The following SERPINE2 variants were observed in gnomAD, a reference collection of about 807,000 sequenced individuals.
SERPINE2 encodes glia-derived nexin.
SERPINE2 carries 14 observed loss-of-function variants against 36.3 expected under a neutral mutation model. That is an observed-to-expected ratio of 0.39 (90% CI 0.25 to 0.60). The LOEUF is 0.60. Among genes scored for constraint, SERPINE2 ranks in the 20% least tolerant of loss-of-function variants. SERPINE2 has a pLI of 0.57. For missense variants in SERPINE2, 418 were observed against 499.6 expected (o/e 0.84, Z 1.56); for synonymous variants, 192 against 191.8 (o/e 1.00, Z -0.01).
chr2:223,998,987 C>T (rs1034048451), intron 2 of SERPINE2, among the ~76,000 whole-genome samples: 1 of 152,186 alleles, frequency 6.6e-6, no homozygotes, highest in Non-Finnish European at 1.5e-5. Context: ...GTTCTATAGC[C>T]AAGGGGGAAC....
At chr2:224,019,992 G>T (rs138546843) in intron 1 of SERPINE2, among the ~76,000 whole-genome samples, 364 of 152,266 alleles carry the variant, frequency 2.4e-3, no homozygotes, top group Non-Finnish European at 3.4e-3. Context: ...AGAGAGGAAG[G>T]ATCACCCCTG....
intron 4 of SERPINE2, among the ~76,000 whole-genome samples, chr2:223,988,617 A>C (rs1453165285): frequency 1.3e-5 from 2 of 152,214 alleles, no homozygotes; most frequent in Non-Finnish European, 2.9e-5. Flanking sequence ...TTCCAAAATA[A>C]AGTCTCAAAT....
chr2:224,025,825 T>C lies in SERPINE2; in HGVS notation c.-23+13274A>G, dbSNP rs115325404. Reference sequence around the variant, plus strand: ...AGAAAGTTGCCCTCAGAGGCAAAAATATATTGACGATCCACACAGCATATT... The same window carrying C: ...AGAAAGTTGCCCTCAGAGGCAAAAACATATTGACGATCCACACAGCATATT... On this transcript the variant is annotated intron_variant, in intron 1 of 8. Transcript: ENST00000409304. 3.5e-3 allele frequency among the ~76,000 whole-genome samples: 535 copies of C among 150,848 alleles called. 4 individuals are homozygous for C. The highest frequency in any genetic ancestry group is 0.012 in the African/African-American group (511 of 41,012).
intron 1 of SERPINE2, among the ~76,000 whole-genome samples, chr2:224,002,665 T>TG (rs2106166204): frequency 6.7e-6 from 1 of 149,506 alleles, no homozygotes; most frequent in African/African-American, 2.5e-5. Context: ...GCAATTTTTT[T>TG]TTTTTTTTTT....
intron 3 of SERPINE2, among the ~76,000 whole-genome samples, chr2:223,997,186 C>A (rs11884535): frequency 2.0e-5 from 3 of 152,032 alleles, no homozygotes; most frequent in Non-Finnish European, 4.4e-5. Context: ...TGGACCTCCA[C>A]GTTACAAATT....
intron 1 of SERPINE2, among the ~76,000 whole-genome samples, chr2:224,026,987 C>G (rs760592932): frequency 1.3e-5 from 2 of 152,114 alleles, no homozygotes; most frequent in Non-Finnish European, 2.9e-5. Context: ...TACAAAGTTT[C>G]GGGCAAAAAG....
Position 223,992,014 on chromosome 2 carries a change from G to T in SERPINE2, c.488-14C>A. 3 of 1,612,442 alleles carry T rather than the reference G, an allele frequency of 1.9e-6. No homozygotes were observed. Among genetic ancestry groups the T allele is most frequent in the Non-Finnish European group, 2.5e-6 (3 of 1,179,124 alleles). ...TGTCAATCATATCTGTGAAGCCAAA[G>T]AACAAACAAGGGAAAAATAACCTCA... On this transcript the variant is annotated splice_polypyrimidine_tract_variant and intron_variant, in intron 3 of 8. Coordinates refer to ENST00000409304, the MANE Select transcript of SERPINE2 (RefSeq NM_001136528.2).
At chr2:223,980,263 G>A (rs1232188911) in intron 7 of SERPINE2, 48 bp downstream of exon 7, 1 of 1,456,020 alleles carries the variant, frequency 6.9e-7, no homozygotes, top group Non-Finnish European at 9.7e-7. Context: ...ACAGGAATGT[G>A]TTTGCTCCCC....
chr2:223,992,693 G>T (rs1431453622), intron 3 of SERPINE2, among the ~76,000 whole-genome samples: 2 of 152,170 alleles, frequency 1.3e-5, no homozygotes, highest in Non-Finnish European at 2.9e-5. Flanking sequence ...CCACCATAAA[G>T]AAATGAGAAA....
intron 4 of SERPINE2, among the ~76,000 whole-genome samples, chr2:223,987,298 T>C (rs1204901027): frequency 2.0e-5 from 3 of 152,100 alleles, no homozygotes; most frequent in Non-Finnish European, 2.9e-5. Flanking sequence ...CAATGTGAGG[T>C]CCCTGCTCAC....
At chr2:224,023,882 C>A (rs149632542) in intron 1 of SERPINE2, among the ~76,000 whole-genome samples, 1 of 152,236 alleles carries the variant, frequency 6.6e-6, no homozygotes, top group African/African-American at 2.4e-5. Context: ...GCCTCTCTAC[C>A]CAGGCCTGTT....
chr2:223,975,511 T>G lies in SERPINE2; in HGVS notation c.*356A>C, dbSNP rs1340490182. The G allele has an allele frequency of 5.2e-6, 1 of 190,602 alleles. No individual in the cohort carries two copies. Among genetic ancestry groups the G allele is most frequent in the Non-Finnish European group, 1.1e-5 (1 of 94,240 alleles). The allele number at this position is 190,602 out of a possible 1,614,324, so 11.8% of individuals were successfully genotyped here. ...TTTTTTCTGTCACACTGATTAAATTTCTTCTGAAAAGCCGCACATATAGAC... is the reference window on the plus strand; with the variant it reads ...TTTTTTCTGTCACACTGATTAAATTGCTTCTGAAAAGCCGCACATATAGAC... On this transcript the variant is annotated 3_prime_UTR_variant, in exon 9 of 9. Coordinates refer to ENST00000409304, the MANE Select transcript of SERPINE2 (RefSeq NM_001136528.2).
intron 1 of SERPINE2, among the ~76,000 whole-genome samples, chr2:224,003,777 C>G (rs1198198028): frequency 6.6e-6 from 1 of 152,210 alleles, no homozygotes; most frequent in East Asian, 1.9e-4. Flanking sequence ...CCAAGAGGCC[C>G]AAGCTCCTGC....
chr2:224,036,907 G>C (rs1019759431), intron 1 of SERPINE2, among the ~76,000 whole-genome samples: 1 of 152,152 alleles, frequency 6.6e-6, no homozygotes, highest in Non-Finnish European at 1.5e-5. Flanking sequence ...CAAGGAGAGA[G>C]AGGCACTGGG....
intron 3 of SERPINE2, among the ~76,000 whole-genome samples, chr2:223,995,968 T>C (rs1690873089): frequency 6.6e-6 from 1 of 152,238 alleles, no homozygotes; most frequent in South Asian, 2.1e-4. Context: ...TGGCACTGTC[T>C]CAAATTTTTA....
At chr2:224,001,439 G>T in intron 2 of SERPINE2, 1 of 543,928 alleles carries the variant, frequency 1.8e-6, no homozygotes, top group Non-Finnish European at 3.2e-6. Flanking sequence ...TACAAAAAAG[G>T]GACCAGAGTC....
intron 4 of SERPINE2, among the ~76,000 whole-genome samples, chr2:223,989,190 A>G (rs1480274697): frequency 1.3e-5 from 2 of 152,206 alleles, no homozygotes; most frequent in African/African-American, 4.8e-5. Flanking sequence ...CCCTTGAAGT[A>G]CTTCTACTTT....
intron 4 of SERPINE2, among the ~76,000 whole-genome samples, chr2:223,986,373 C>T (rs1690430618): frequency 1.3e-5 from 2 of 152,152 alleles, no homozygotes; most frequent in Admixed American, 1.3e-4. Context: ...GTTGAACTCT[C>T]ACCCAAGCCT....
chr2:224,013,291 A>T (rs1366741609), intron 1 of SERPINE2, among the ~76,000 whole-genome samples: 1 of 152,160 alleles, frequency 6.6e-6, no homozygotes. Flanking sequence ...AGCCTAGAAA[A>T]GGCATCTCTG....
Sources: gnomAD v4.1 joint callset for allele counts (sites outside exome capture counted in the v4.1 genomes callset) on GRCh38, gnomAD v4.1.1 for gene constraint, MANE v1.5 for transcripts, NCBI Gene and HGNC (gene_info 2026-07-23, HGNC 2026-07-21) for gene names.